Variants in LMX1B observed in about 807,000 individuals in gnomAD.
LMX1B encodes the protein LIM homeobox transcription factor 1 beta.
A neutral mutation model predicts 51.4 loss-of-function variants in LMX1B; 12 were observed. The observed-to-expected ratio is 0.23, with a 90% confidence interval of 0.15 to 0.38. The LOEUF is 0.38. Ranked by LOEUF, LMX1B falls within the 10% of genes least tolerant of loss-of-function variation. The probability of loss-of-function intolerance (pLI) is 1.00; values close to 1 mark genes in which losing one functional copy is unlikely to be tolerated. For synonymous variants in LMX1B, 237 were observed against 235.4 expected, an observed-to-expected ratio of 1.01 and a Z score of -0.06; for missense variants, 445 against 571.1, an observed-to-expected ratio of 0.78 and a Z score of 2.25.
At chr9:126,622,158 G>A (rs1400060605) in intron 2 of LMX1B, among the ~76,000 whole-genome samples, 1 of 152,170 alleles carries the variant, frequency 6.6e-6, no homozygotes, top group Non-Finnish European at 1.5e-5. Flanking sequence ...TCTCAATTGG[G>A]AGCTTGGCTC....
chr9:126,617,081 G>A (rs753091949), intron 2 of LMX1B, among the ~76,000 whole-genome samples: 7 of 152,220 alleles, frequency 4.6e-5, no homozygotes, highest in Non-Finnish European at 8.8e-5. Context: ...TTCTAGTTCC[G>A]GGAGAGGGAG....
rs140547145 is a variant in LMX1B, at chr9:126,677,977, T to G, written c.327-12859T>G. On this transcript the variant is annotated intron_variant, in intron 2 of 7. Transcript: ENST00000373474. This position sits in a 1 kb window ranked among gnomAD's most constrained non-coding sequence, Gnocchi z 5.0. ...GAGAGAGCTACCATGCCTCAAGGTC[T>G]TATATGGACAGACTCAGGCTCATTC... Among the ~76,000 whole-genome samples the G allele has an allele frequency of 1.1e-4, 17 of 152,208 alleles. No individual in the cohort carries two copies. In the East Asian group the frequency reaches 3.3e-3, roughly 29 times the overall value.
chr9:126,655,196 C>G (rs113407970), intron 2 of LMX1B, among the ~76,000 whole-genome samples: 25 of 152,374 alleles, frequency 1.6e-4, no homozygotes, highest in African/African-American at 5.8e-4. Context: ...CCTGGGGCCA[C>G]TGTCAGGAGG....
chr9:126,698,217 C>T lies in LMX1B; in HGVS notation c.*1766C>T, dbSNP rs988764952. 6.6e-6 allele frequency: 1 copy of T among 152,452 alleles called. No individual in the cohort carries two copies. The highest frequency in any genetic ancestry group is 1.5e-5 in the Non-Finnish European group (1 of 68,210). 9.4% of individuals were successfully genotyped at this position (152,452 alleles called of 1,614,324 possible). A position where few individuals can be genotyped will look rare whatever the true frequency, so the allele number is the denominator to read the frequency against. On this transcript the variant is annotated 3_prime_UTR_variant, in exon 8 of 8. Transcript: ENST00000373474. ...CTGAATGAGGGACCGTGACCTCTTT[C>T]CTTTTCCATTCCTTCTTACTCGATT...
At chr9:126,635,264 C>T (rs752457510) in intron 2 of LMX1B, among the ~76,000 whole-genome samples, 7 of 152,228 alleles carry the variant, frequency 4.6e-5, no homozygotes, top group Non-Finnish European at 8.8e-5. Flanking sequence ...CCCACTCGCT[C>T]ATTGCCCACA....
chr9:126,643,397 G>A lies in LMX1B; in HGVS notation c.326+27828G>A, dbSNP rs934840743. ...TGCAGTGGGTCATGCAGACTCGGCA[G>A]TGTGACCCTGGCTCAGTCACTGCCC... On this transcript the variant is annotated intron_variant, in intron 2 of 7. Coordinates refer to ENST00000373474, the MANE Select transcript of LMX1B (RefSeq NM_001174147.2). Among the ~76,000 whole-genome samples the A allele has an allele frequency of 5.9e-5, 9 of 152,160 alleles. 1 individual carries two copies. Among genetic ancestry groups the A allele is most frequent in the African/African-American group, 1.4e-4 (6 of 41,428 alleles).
At chr9:126,679,511 G>A (rs926325096) in intron 2 of LMX1B, among the ~76,000 whole-genome samples, 1 of 151,964 alleles carries the variant, frequency 6.6e-6, no homozygotes, top group African/African-American at 2.4e-5. Context: ...GTGGGTGGAT[G>A]GGGGACAGGT....
intron 3 of LMX1B, among the ~76,000 whole-genome samples, chr9:126,692,131 G>A (rs2030154819): frequency 6.6e-6 from 1 of 152,224 alleles, no homozygotes; most frequent in Non-Finnish European, 1.5e-5. Context: ...CATGGCCAGG[G>A]CCTGCGTGGA....
At chr9:126,645,864 G>A (rs939522256) in intron 2 of LMX1B, among the ~76,000 whole-genome samples, 4 of 152,170 alleles carry the variant, frequency 2.6e-5, no homozygotes, top group Admixed American at 2.6e-4. Context: ...ACTGCTTTGT[G>A]GAGGATGGGG....
At position 126,650,778 on chromosome 9, in the gene LMX1B, C is replaced by A. The variant is rs1835987902; in HGVS notation, c.326+35209C>A. 2.0e-5 allele frequency among the ~76,000 whole-genome samples: 3 copies of A among 152,240 alleles called. No individual in the cohort carries two copies. The South Asian group carries it at 6.2e-4, about 31-fold the overall frequency. On this transcript the variant is annotated intron_variant, in intron 2 of 7. Transcript: ENST00000373474. ...CAGCAAAACTTGCTGCGCATCCTTTCTGTGGGTGCCCTGGGCGGCCCTCGG... is the reference window on the plus strand; with the variant it reads ...CAGCAAAACTTGCTGCGCATCCTTTATGTGGGTGCCCTGGGCGGCCCTCGG...
At chr9:126,646,398 A>G (rs539733406) in intron 2 of LMX1B, among the ~76,000 whole-genome samples, 14 of 146,818 alleles carry the variant, frequency 9.5e-5, no homozygotes, top group African/African-American at 2.0e-4. Flanking sequence ...CTGTCCATCA[A>G]TCTACCCATC....
At chr9:126,620,611 G>A (rs1156686217) in intron 2 of LMX1B, among the ~76,000 whole-genome samples, 1 of 152,032 alleles carries the variant, frequency 6.6e-6, no homozygotes, top group African/African-American at 2.4e-5. Flanking sequence ...GGGGGCAGAC[G>A]GGTGTGCTGT....
intron 2 of LMX1B, among the ~76,000 whole-genome samples, chr9:126,675,612 C>G (rs1836539343): frequency 6.6e-6 from 1 of 151,318 alleles, no homozygotes; most frequent in Admixed American, 6.6e-5. Flanking sequence ...GTAATCCCAG[C>G]TACTCAGGAG....
At chr9:126,646,865 T>C (rs774199450) in intron 2 of LMX1B, among the ~76,000 whole-genome samples, 3 of 152,046 alleles carry the variant, frequency 2.0e-5, no homozygotes, top group Non-Finnish European at 4.4e-5. Flanking sequence ...AACCGGCTCC[T>C]AACACTGAGG....
At chr9:126,682,346 C>G (rs1207751126) in intron 2 of LMX1B, among the ~76,000 whole-genome samples, 1 of 152,094 alleles carries the variant, frequency 6.6e-6, no homozygotes, top group Non-Finnish European at 1.5e-5. Flanking sequence ...CTGACTGTCC[C>G]TTCTAAAGCT....
chr9:126,635,852 G>A (rs995958727), intron 2 of LMX1B, among the ~76,000 whole-genome samples: 2 of 152,196 alleles, frequency 1.3e-5, no homozygotes, highest in South Asian at 4.1e-4. Context: ...AAGGAAAGGA[G>A]GGGAGGGCCT....
intron 2 of LMX1B, among the ~76,000 whole-genome samples, chr9:126,678,954 A>G (rs1361834647): frequency 6.6e-6 from 1 of 152,222 alleles, no homozygotes; most frequent in Non-Finnish European, 1.5e-5. Context: ...TTAAAATGCT[A>G]TGGTCTATGT....
chr9:126,651,863 C>T (rs1181450936), intron 2 of LMX1B, among the ~76,000 whole-genome samples: 2 of 152,304 alleles, frequency 1.3e-5, no homozygotes, highest in Non-Finnish European at 2.9e-5. Context: ...GGTGAGTCCC[C>T]TATGAGTAGG....
chr9:126,628,595 T>G (rs1835575856), intron 2 of LMX1B, among the ~76,000 whole-genome samples: 1 of 152,218 alleles, frequency 6.6e-6, no homozygotes, highest in Admixed American at 6.5e-5. Flanking sequence ...CGCTTTCATT[T>G]TCCCAGAGAT....
Sources: allele counts gnomAD v4.1 joint callset (sites outside exome capture counted in the v4.1 genomes callset), GRCh38; gene constraint gnomAD v4.1.1; non-coding constraint Gnocchi (gnomAD v3.1); transcripts MANE v1.5; gene names NCBI Gene and HGNC (gene_info 2026-07-23, HGNC 2026-07-21).